The following SNTG1 variants were observed in gnomAD, a reference collection of about 807,000 sequenced individuals.
SNTG1 encodes the protein gamma-1-syntrophin.
In SNTG1, 39 loss-of-function variants were observed where a neutral mutation model predicts 74.7. The observed-to-expected ratio is 0.52, with a 90% CI of 0.40 to 0.68. The LOEUF (loss-of-function observed/expected upper bound fraction) is 0.68. Among genes scored for constraint, SNTG1 ranks in the 30% least tolerant of loss-of-function variants. The pLI is 0.00. For synonymous variants in SNTG1, 254 were observed against 217.1 expected (o/e 1.17, Z -1.49); for missense variants, 685 against 609.5 (o/e 1.12, Z -1.30).
intron 2 of SNTG1, among the ~76,000 whole-genome samples, chr8:50,321,166 A>C (rs563800754): frequency 2.0e-5 from 3 of 152,020 alleles, no homozygotes; most frequent in Non-Finnish European, 4.4e-5. Flanking sequence ...GTCCAGGTCT[A>C]TCTCTCTCCT....
chr8:50,382,731 C>T (rs1192463617), intron 2 of SNTG1, among the ~76,000 whole-genome samples: 1 of 152,124 alleles, frequency 6.6e-6, no homozygotes, highest in Non-Finnish European at 1.5e-5. Context: ...GTGGCATACA[C>T]AACTGTATCA....
intron 2 of SNTG1, among the ~76,000 whole-genome samples, chr8:50,244,656 C>T (rs1445625877): frequency 6.6e-6 from 1 of 152,132 alleles, no homozygotes; most frequent in Non-Finnish European, 1.5e-5. Flanking sequence ...ATAGGGAGCT[C>T]TATTAGCACA....
At chr8:50,488,813 A>C (rs1226402107) in intron 8 of SNTG1, among the ~76,000 whole-genome samples, 1 of 152,220 alleles carries the variant, frequency 6.6e-6, no homozygotes, top group African/African-American at 2.4e-5. Flanking sequence ...GTTCTGGGAT[A>C]AATGTGCAGA....
At chr8:49,996,026 G>GA in intron 1 of SNTG1, among the ~76,000 whole-genome samples, 1 of 152,194 alleles carries the variant, frequency 6.6e-6, no homozygotes, top group East Asian at 1.9e-4. Context: ...CAATTTTACA[G>GA]AAAAAGATGA....
At chr8:50,003,120 G>T (rs1490256439) in intron 1 of SNTG1, among the ~76,000 whole-genome samples, 1 of 152,098 alleles carries the variant, frequency 6.6e-6, no homozygotes, top group Non-Finnish European at 1.5e-5. Flanking sequence ...ATATCTACTG[G>T]GCACAAGCAT....
intron 10 of SNTG1, among the ~76,000 whole-genome samples, chr8:50,535,450 A>G (rs1350518624): frequency 2.0e-5 from 3 of 152,156 alleles, no homozygotes; most frequent in African/African-American, 4.8e-5. Flanking sequence ...AGAAAGAGTA[A>G]TATGAAACCT....
chr8:50,299,318 T>C (rs1264108448), intron 2 of SNTG1, among the ~76,000 whole-genome samples: 1 of 152,134 alleles, frequency 6.6e-6, no homozygotes, highest in Admixed American at 6.6e-5. Flanking sequence ...TCTTTCTCCT[T>C]CTTCAACTTC....
At chr8:50,137,561 G>A (rs926056549) in intron 1 of SNTG1, among the ~76,000 whole-genome samples, 2 of 152,272 alleles carry the variant, frequency 1.3e-5, no homozygotes, top group Middle Eastern at 3.4e-3. Context: ...TATGTTAGAA[G>A]GCAATAAGTA....
intron 1 of SNTG1, among the ~76,000 whole-genome samples, chr8:50,031,015 G>T (rs1257305376): frequency 2.0e-5 from 3 of 151,794 alleles, no homozygotes; most frequent in Non-Finnish European, 4.4e-5. Context: ...GGTGTCAGCA[G>T]TCCTTTATGA....
rs565029091 is a variant in SNTG1, at chr8:50,716,398, A to T, written c.1284+7420A>T. On this transcript the variant is annotated intron_variant, in intron 17 of 18. Transcript: ENST00000642720. ...TTCACATAAATCTTAGCATTTTAAAATTATATATATATTTTTTCTTTCCAA... is the reference window on the plus strand; with the variant it reads ...TTCACATAAATCTTAGCATTTTAAATTTATATATATATTTTTTCTTTCCAA... Among the ~76,000 whole-genome samples the T allele has an allele frequency of 2.4e-3, 365 of 152,196 alleles. 1 individual carries two copies. The highest frequency in any genetic ancestry group is 3.6e-3 in the Non-Finnish European group (245 of 67,982).
intron 1 of SNTG1, among the ~76,000 whole-genome samples, chr8:50,131,282 T>A (rs1384287464): frequency 3.3e-5 from 5 of 152,114 alleles, no homozygotes; most frequent in African/African-American, 1.2e-4. Context: ...ATAATCAAAG[T>A]GGGCACTCGA....
At chr8:50,311,240 G>T (rs961586212) in intron 2 of SNTG1, among the ~76,000 whole-genome samples, 1 of 152,188 alleles carries the variant, frequency 6.6e-6, no homozygotes, top group African/African-American at 2.4e-5. Context: ...GACTGTGGCT[G>T]CAGCCAAGCC....
At chr8:50,157,669 T>C (rs2082294376) in intron 1 of SNTG1, among the ~76,000 whole-genome samples, 1 of 152,102 alleles carries the variant, frequency 6.6e-6, no homozygotes, top group Non-Finnish European at 1.5e-5. Context: ...AAATGTGATA[T>C]TTAGGACTTT....
chr8:49,910,726 G>T (rs553032873), upstream of SNTG1, among the ~76,000 whole-genome samples: 1 of 152,182 alleles, frequency 6.6e-6, no homozygotes, highest in Non-Finnish European at 1.5e-5. Context: ...AGGGGGCAGC[G>T]TGGGAGACCA....
intron 1 of SNTG1, among the ~76,000 whole-genome samples, chr8:50,073,502 A>G (rs1268272460): frequency 6.6e-6 from 1 of 152,142 alleles, no homozygotes; most frequent in Admixed American, 6.5e-5. Flanking sequence ...AACTCCTGAC[A>G]TTGTTGAAAT....
rs572800633 is a variant in SNTG1 at position 50,521,487 on chromosome 8, GTC to G, written c.467-8684_467-8683del. 6.3e-3 allele frequency among the ~76,000 whole-genome samples: 958 copies of G among 152,208 alleles called. 7 individuals carry two copies. Among genetic ancestry groups the G allele is most frequent in the Non-Finnish European group, 0.011 (764 of 68,004 alleles). On this transcript the variant is annotated intron_variant, in intron 9 of 18. Transcript: ENST00000642720. ...TCACTGATTTGCAGCTTTTTTGTTA[GTC>G]TCTCTATTGATGGATGCTGACTGAT...
intron 9 of SNTG1, among the ~76,000 whole-genome samples, chr8:50,520,018 T>C (rs1235831441): frequency 1.3e-5 from 2 of 152,280 alleles, no homozygotes; most frequent in Non-Finnish European, 2.9e-5. Context: ...ACTGGAGGCA[T>C]CATGCTACCT....
intron 1 of SNTG1, among the ~76,000 whole-genome samples, chr8:50,042,300 C>T (rs2130822968): frequency 6.6e-6 from 1 of 152,288 alleles, no homozygotes; most frequent in Admixed American, 6.5e-5. Flanking sequence ...CCCCACAGCC[C>T]ACCCCCAGGG....
chr8:50,313,372 G>A (rs28403505), intron 2 of SNTG1, among the ~76,000 whole-genome samples: 20,025 of 149,426 alleles, frequency 0.13, 2,016 homozygotes, highest in Middle Eastern at 0.16. Context: ...TAACAGGGCA[G>A]AAAGACAACC....
Sources: allele counts gnomAD v4.1 joint callset (sites outside exome capture counted in the v4.1 genomes callset), GRCh38; gene constraint gnomAD v4.1.1; transcripts MANE v1.5; gene names NCBI Gene and HGNC (gene_info 2026-07-23, HGNC 2026-07-21).